The following GRM7 variants were observed in gnomAD, a reference collection of about 807,000 sequenced individuals.
GRM7 encodes glutamate metabotropic receptor 7.
A neutral mutation model predicts 84.5 loss-of-function variants in GRM7; 35 were observed. The observed-to-expected ratio is 0.41, with a 90% confidence interval of 0.32 to 0.55. The LOEUF is 0.55. GRM7 is among the 20% of genes least tolerant of loss of function. The pLI, the probability that GRM7 is intolerant of heterozygous loss-of-function variation, is 0.19. For synonymous variants in GRM7, 487 were observed against 455.1 expected (o/e 1.07, Z -0.89); for missense variants, 1,003 against 1,194.6 (o/e 0.84, Z 2.36).
intron 9 of GRM7, among the ~76,000 whole-genome samples, chr3:7,688,546 G>A (rs998887307): frequency 6.6e-6 from 1 of 152,074 alleles, no homozygotes; most frequent in Non-Finnish European, 1.5e-5. Flanking sequence ...AATAATTGGG[G>A]ATATAAGTTG....
chr3:7,610,810 G>A (rs998460768), intron 8 of GRM7, among the ~76,000 whole-genome samples: 34 of 152,266 alleles, frequency 2.2e-4, no homozygotes, highest in African/African-American at 7.7e-4. Flanking sequence ...TGGTTTTCCC[G>A]TAGTCATCAC....
chr3:7,375,215 T>C (rs9855452), intron 4 of GRM7, among the ~76,000 whole-genome samples: 40,419 of 92,546 alleles, frequency 0.44, 5,595 homozygotes, highest in South Asian at 0.5. Context: ...AAACATCCCC[T>C]TTTTTTTTTT....
chr3:7,730,819 T>A (rs928497254), intron 9 of GRM7, among the ~76,000 whole-genome samples: 1 of 152,208 alleles, frequency 6.6e-6, no homozygotes, highest in African/African-American at 2.4e-5. Flanking sequence ...CTATAATATA[T>A]TGAAATTATA....
chr3:7,593,657 G>C (rs1695900500), intron 8 of GRM7, among the ~76,000 whole-genome samples: 1 of 152,144 alleles, frequency 6.6e-6, no homozygotes, highest in Admixed American at 6.5e-5. Flanking sequence ...GAGAGTGTGA[G>C]TGGCGTGAGA....
chr3:6,897,547 C>G (rs1041192388), intron 1 of GRM7, among the ~76,000 whole-genome samples: 2 of 152,158 alleles, frequency 1.3e-5, no homozygotes, highest in African/African-American at 4.8e-5. Flanking sequence ...TCTTGCTTAG[C>G]TTATTGGGAT....
chr3:7,349,019 G>C (rs1475895006), intron 4 of GRM7, among the ~76,000 whole-genome samples: 1 of 152,056 alleles, frequency 6.6e-6, no homozygotes, highest in South Asian at 2.1e-4. Flanking sequence ...GTTATAAAAC[G>C]TGGTCCCTGT....
intron 6 of GRM7, among the ~76,000 whole-genome samples, chr3:7,460,854 GATAT>G (rs1356345533): frequency 6.6e-6 from 1 of 152,162 alleles, no homozygotes; most frequent in Non-Finnish European, 1.5e-5. Context: ...TACAGATATA[GATAT>G]AGGTATATAC....
intron 9 of GRM7, among the ~76,000 whole-genome samples, chr3:7,727,611 C>T (rs1386039508): frequency 1.3e-5 from 2 of 152,170 alleles, no homozygotes; most frequent in African/African-American, 4.8e-5. Context: ...GCTTCATACA[C>T]ACGAGAAGCC....
chr3:7,257,299 A>T (rs1483681905), intron 2 of GRM7, among the ~76,000 whole-genome samples: 3 of 152,184 alleles, frequency 2.0e-5, no homozygotes, highest in Non-Finnish European at 4.4e-5. Flanking sequence ...ATATCCTCCA[A>T]CATCCACCCA....
At chr3:7,619,164 G>A (rs555064388) in intron 8 of GRM7, among the ~76,000 whole-genome samples, 1 of 152,194 alleles carries the variant, frequency 6.6e-6, no homozygotes, top group African/African-American at 2.4e-5. Flanking sequence ...ACGAAATGCT[G>A]TAGTCCTTAA....
At chr3:7,357,895 GA>G (rs896118668) in intron 4 of GRM7, among the ~76,000 whole-genome samples, 18 of 150,342 alleles carry the variant, frequency 1.2e-4, no homozygotes, top group African/African-American at 2.9e-4. Flanking sequence ...TTTAGCTATG[GA>G]AAAAAAAACC....
chr3:7,214,746 A>G (rs938773332), intron 2 of GRM7, among the ~76,000 whole-genome samples: 1 of 152,214 alleles, frequency 6.6e-6, no homozygotes, highest in Admixed American at 6.5e-5. Context: ...AAATACGTTC[A>G]GAGAAAAAGA....
intron 1 of GRM7, among the ~76,000 whole-genome samples, chr3:6,891,500 T>A (rs1014393247): frequency 1.3e-5 from 2 of 152,150 alleles, no homozygotes; most frequent in Admixed American, 1.3e-4. Context: ...GAGGCTTAGT[T>A]TGGCTGGATA....
chr3:7,145,483 C>T (rs1694078580), intron 1 of GRM7, among the ~76,000 whole-genome samples: 2 of 152,092 alleles, frequency 1.3e-5, no homozygotes, highest in African/African-American at 4.8e-5. Context: ...CCTGAAATCC[C>T]AGGCAGACAT....
intron 1 of GRM7, among the ~76,000 whole-genome samples, chr3:6,942,478 A>G (rs751512114): frequency 2.0e-5 from 3 of 152,118 alleles, no homozygotes; most frequent in African/African-American, 7.2e-5. Context: ...ATGTTATTGA[A>G]AAGAGCTCAC....
chr3:6,910,268 G>A (rs1300138482), intron 1 of GRM7, among the ~76,000 whole-genome samples: 1 of 152,114 alleles, frequency 6.6e-6, no homozygotes, highest in Non-Finnish European at 1.5e-5. Flanking sequence ...GGTATTCAAT[G>A]CTAGATACTG....
At chr3:7,277,037 G>C (rs1699098722) in intron 2 of GRM7, among the ~76,000 whole-genome samples, 1 of 151,914 alleles carries the variant, frequency 6.6e-6, no homozygotes, top group African/African-American at 2.4e-5. Context: ...TCCAGTCAAA[G>C]CAAGTGTTCT....
intron 2 of GRM7, among the ~76,000 whole-genome samples, chr3:7,180,183 G>A (rs1409628953): frequency 6.6e-6 from 1 of 152,188 alleles, no homozygotes; most frequent in Non-Finnish European, 1.5e-5. Flanking sequence ...AACTTGCTAA[G>A]TGATAAGCCA....
At chr3:7,457,386 A>T (rs779722) in intron 6 of GRM7, among the ~76,000 whole-genome samples, 123,143 of 152,098 alleles carry the variant, frequency 0.81, 50,298 homozygotes, top group Non-Finnish European at 0.86. Flanking sequence ...CCCAAATCAA[A>T]GCAAAGTCCC....
Sources: gnomAD v4.1 joint callset for allele counts (sites outside exome capture counted in the v4.1 genomes callset) on GRCh38, gnomAD v4.1.1 for gene constraint, MANE v1.5 for transcripts, NCBI Gene and HGNC (gene_info 2026-07-23, HGNC 2026-07-21) for gene names.